TRA2A: variants seen among roughly 807,000 people sequenced by gnomAD.
The protein encoded by TRA2A is transformer 2 alpha homolog, also known as transformer-2 protein homolog alpha.
TRA2A carries 31 observed loss-of-function variants against 45.7 expected under a neutral mutation model. That is an observed-to-expected ratio of 0.68 (90% confidence interval 0.51 to 0.92). The LOEUF (loss-of-function observed/expected upper bound fraction) is 0.92, where lower values mean the gene tolerates loss of function less well. TRA2A is among the 40% of genes least tolerant of loss of function. The pLI is 0.00. For synonymous variants in TRA2A, 132 were observed against 126.2 expected (o/e 1.05, Z -0.31); for missense variants, 304 against 367.5 (o/e 0.83, Z 1.41).
intron 2 of TRA2A, among the ~76,000 whole-genome samples, chr7:23,518,986 C>A (rs960753567): frequency 6.6e-6 from 1 of 152,214 alleles, no homozygotes; most frequent in African/African-American, 2.4e-5. Flanking sequence ...CCACACTCAG[C>A]CTAAGCCTTT....
At chr7:23,511,370 C>CAAAAAAAAAAAAAAAAAAAA (rs567187750) in intron 4 of TRA2A, among the ~76,000 whole-genome samples, 3 of 40,114 alleles carry the variant, frequency 7.5e-5, no homozygotes, top group Admixed American at 4.3e-4. Context: ...GACTCCATCT[C>CAAAAAAAAAAAAAAAAAAAA]AAAAAAAAAA....
chr7:23,516,363 C>T lies in TRA2A; in HGVS notation c.336G>A (p.Arg112=), dbSNP rs1235389106. ...TCATTAACTTTTATAAACCACGTACCCTGCTGCCAGTATGTCTTCTCCGGT... is the reference window on the plus strand; with the variant it reads ...TCATTAACTTTTATAAACCACGTACTCTGCTGCCAGTATGTCTTCTCCGGT... ...MSNRRRHTGS[R]ANPDPNTCLG... is the part of the protein sequence containing the mutation. The change falls in exon 3 of 8, where the codon AGG becomes AGA. Residue 112 remains arginine (R), a splice_region_variant and synonymous_variant. Transcript: ENST00000297071. 6.2e-7 allele frequency: 1 copy of T among 1,614,020 alleles called. No individual in the cohort carries two copies. The highest frequency in any genetic ancestry group is 1.1e-5 in the South Asian group (1 of 91,076).
chr7:23,530,793 G>A (rs1790542803), intron 1 of TRA2A, among the ~76,000 whole-genome samples: 1 of 152,036 alleles, frequency 6.6e-6, no homozygotes, highest in African/African-American at 2.4e-5. Context: ...AAATGGGAGA[G>A]GGCCTGTTAA....
chr7:23,507,684 C>G, intron 4 of TRA2A, 149 bp from the exon 5 acceptor site: 1 of 611,696 alleles, frequency 1.6e-6, no homozygotes, highest in Non-Finnish European at 2.9e-6. Context: ...ATTGTATAGA[C>G]AATTCTAGAC....
chr7:23,527,731 T>C (rs1343764713), intron 1 of TRA2A, among the ~76,000 whole-genome samples: 1 of 152,204 alleles, frequency 6.6e-6, no homozygotes, highest in African/African-American at 2.4e-5. Context: ...AGGTTCTATA[T>C]TCCATTTAAT....
rs191342286 is a variant in TRA2A at position 23,506,966 on chromosome 7, G to A, written c.641+454C>T. On this transcript the variant is annotated intron_variant, in intron 5 of 7. Coordinates refer to ENST00000297071, the MANE Select transcript of TRA2A (RefSeq NM_013293.5). ...AATTTTTTGTATTTTTAGTAGAGACGGGGTTTCACCGTGGTCCCGATCTCG... is the reference window on the plus strand; with the variant it reads ...AATTTTTTGTATTTTTAGTAGAGACAGGGTTTCACCGTGGTCCCGATCTCG... Among the ~76,000 whole-genome samples, 14 of 152,042 alleles carry A rather than the reference G, an allele frequency of 9.2e-5. No homozygotes were observed. The East Asian group carries it at 1.6e-3, about 17-fold the overall frequency.
intron 3 of TRA2A, 27 bp downstream of exon 3, chr7:23,516,336 C>T (rs1396513381): frequency 6.2e-7 from 1 of 1,611,596 alleles, no homozygotes; most frequent in East Asian, 2.2e-5. Flanking sequence ...GAAAATAAGT[C>T]TTCATTAACT....
intron 2 of TRA2A, 71 bp from the exon 3 acceptor site, chr7:23,516,599 G>A: frequency 7.2e-7 from 1 of 1,387,356 alleles, no homozygotes; most frequent in Non-Finnish European, 1.0e-6. Flanking sequence ...TTCCAAGAAG[G>A]TATACATATA....
intron 4 of TRA2A, among the ~76,000 whole-genome samples, chr7:23,509,828 T>C (rs992898278): frequency 9.9e-5 from 15 of 151,818 alleles, no homozygotes; most frequent in African/African-American, 3.6e-4. Flanking sequence ...AGTTTGAGGC[T>C]AGCCTGGGCA....
At chr7:23,523,136 C>T (rs1206293516) in intron 1 of TRA2A, among the ~76,000 whole-genome samples, 4 of 152,154 alleles carry the variant, frequency 2.6e-5, no homozygotes, top group African/African-American at 7.2e-5. Context: ...CCACGACATA[C>T]CACAATGTGC....
chr7:23,511,954 A>T (rs552009282), intron 4 of TRA2A, among the ~76,000 whole-genome samples: 109 of 152,328 alleles, frequency 7.2e-4, no homozygotes, highest in African/African-American at 2.5e-3. Context: ...AATTAAACAT[A>T]TCAAACCCAC....
intron 1 of TRA2A, among the ~76,000 whole-genome samples, chr7:23,530,965 GGT>G (rs1203078097): frequency 1.3e-5 from 2 of 151,616 alleles, no homozygotes; most frequent in Non-Finnish European, 2.9e-5. Context: ...TTAGATGAAA[GGT>G]CATAGGAAGA....
intron 4 of TRA2A, 127 bp from the exon 5 acceptor site, chr7:23,507,662 C>T: frequency 1.4e-6 from 1 of 694,254 alleles, no homozygotes; most frequent in South Asian, 1.7e-5. Flanking sequence ...AGCAATGTAG[C>T]TTGTACAGGG....
At chr7:23,524,902 G>A (rs947398223) in intron 1 of TRA2A, among the ~76,000 whole-genome samples, 1 of 151,802 alleles carries the variant, frequency 6.6e-6, no homozygotes, top group South Asian at 2.1e-4. Flanking sequence ...ATGTTGGCCA[G>A]GCTGGTCTCC....
In TRA2A at chr7:23,507,549, G is replaced by A. The variant is rs1789399541; in HGVS notation, c.526-14C>T. 1.3e-6 allele frequency: 2 copies of A among 1,579,916 alleles called. No homozygotes were observed. The highest frequency in any genetic ancestry group is 1.7e-6 in the Non-Finnish European group (2 of 1,149,466). On this transcript the variant is annotated splice_polypyrimidine_tract_variant and intron_variant, in intron 4 of 7. Transcript: ENST00000297071. ...CCTTTCCATAGCCTATAAAGAACAG[G>A]CACAAAAAGTCACGTATAATTCACC...
chr7:23,506,129 A>C lies in TRA2A; in HGVS notation c.770+9T>G. 2 of 1,597,360 alleles carry C rather than the reference A, an allele frequency of 1.3e-6. No homozygotes were observed. Among genetic ancestry groups the C allele is most frequent in the Non-Finnish European group, 1.7e-6 (2 of 1,167,542 alleles). Reference sequence around the variant, plus strand: ...AATTTAGAACAGAAAGCTCAAGTTAAAACATTACCTGTATCGGTAATCATA... The same window carrying C: ...AATTTAGAACAGAAAGCTCAAGTTACAACATTACCTGTATCGGTAATCATA... On this transcript the variant is annotated intron_variant, in intron 6 of 7. Transcript: ENST00000297071.
intron 4 of TRA2A, 89 bp from the exon 5 acceptor site, chr7:23,507,624 C>G: frequency 1.1e-6 from 1 of 897,334 alleles, no homozygotes; most frequent in Non-Finnish European, 1.8e-6. Flanking sequence ...ATATGTAATC[C>G]AAATAAACTC....
At chr7:23,522,332 T>G in intron 1 of TRA2A, 1 of 1,223,936 alleles carries the variant, frequency 8.2e-7, no homozygotes, top group Non-Finnish European at 1.0e-6. Flanking sequence ...CCATTCAATT[T>G]TAATTTTCTG....
rs1210518391 is a variant in TRA2A at position 23,513,035 on chromosome 7, C to T, written c.384G>A (p.Leu128=). The part of the protein sequence containing the change: ...NTCLGVFGLS[L]YTTERDLREV... ...CACGAAGATCCCTCTCTGTTGTGTA[C>T]AAACTGAGGCCAAACACTCCAAGGC... The change falls in exon 4 of 8, where the codon TTG becomes TTA. Residue 128 remains leucine (L), a synonymous_variant. Coordinates refer to ENST00000297071, the MANE Select transcript of TRA2A (RefSeq NM_013293.5). 5.0e-6 allele frequency: 8 copies of T among 1,613,642 alleles called. No individual in the cohort carries two copies. In the South Asian group the frequency reaches 6.6e-5, roughly 13 times the overall value.
Sources: allele counts gnomAD v4.1 joint callset (sites outside exome capture counted in the v4.1 genomes callset), GRCh38; gene constraint gnomAD v4.1.1; transcripts MANE v1.5; gene names NCBI Gene and HGNC (gene_info 2026-07-23, HGNC 2026-07-21).